BASP1: variants seen among roughly 807,000 people sequenced by gnomAD.
BASP1 encodes brain acid soluble protein 1.
In BASP1, 1 loss-of-function variant was observed where a neutral mutation model predicts 2.2. The ratio of observed to expected loss-of-function variants is 0.46; its 90% CI spans 0.16 to 2.17. The LOEUF (loss-of-function observed/expected upper bound fraction) is 2.17. Among genes scored for constraint, BASP1 ranks in the 30% most tolerant of loss-of-function variants. The pLI, the probability that BASP1 is intolerant of heterozygous loss-of-function variation, is 0.27. For missense variants in BASP1, 352 were observed against 327.2 expected (o/e 1.08, Z -0.58); for synonymous variants, 187 against 154.2 (o/e 1.21, Z -1.58).
chr5:17,218,411 C>T (rs1286569936), intron 1 of BASP1, among the ~76,000 whole-genome samples: 19 of 152,108 alleles, frequency 1.2e-4, no homozygotes, highest in Non-Finnish European at 2.8e-4. Context: ...GGTTCTGGGG[C>T]CAAGGAATAC....
chr5:17,243,130 G>C (rs180810697), intron 1 of BASP1, among the ~76,000 whole-genome samples: 149 of 151,804 alleles, frequency 9.8e-4, no homozygotes, highest in Non-Finnish European at 1.5e-3. Context: ...TCATGATAAA[G>C]CCACTGAGAC....
intron 1 of BASP1, among the ~76,000 whole-genome samples, chr5:17,224,687 CTAGTATG>C (rs1739459452): frequency 6.6e-6 from 1 of 152,180 alleles, no homozygotes; most frequent in Non-Finnish European, 1.5e-5. Flanking sequence ...TCATTCCTTT[CTAGTATG>C]ATGATTGTGG....
intron 1 of BASP1, among the ~76,000 whole-genome samples, chr5:17,254,463 G>A (rs916080305): frequency 6.6e-6 from 1 of 152,184 alleles, no homozygotes; most frequent in Non-Finnish European, 1.5e-5. Flanking sequence ...GCCTGACTTA[G>A]ATGATGGTTC....
rs1327433175 is a variant in BASP1, at chr5:17,223,021, ACT to A, written c.-10+5214_-10+5215del. Among the ~76,000 whole-genome samples the A allele has an allele frequency of 4.4e-5, 6 of 136,160 alleles. No homozygotes were observed. The East Asian group carries it at 5.9e-4, about 13-fold the overall frequency. 89.3% of individuals were successfully genotyped at this position (136,160 alleles called of 152,430 possible). A position where few individuals can be genotyped will look rare whatever the true frequency, so the allele number is the denominator to read the frequency against. The stretch of plus-strand genomic sequence containing the variant: ...CCCTTATCACTTAAGCATTTTATAA[ACT>A]CTTTTTTTTTTTGGTTCGTTTTGAA... On this transcript the variant is annotated intron_variant, in intron 1 of 1. Coordinates refer to ENST00000322611, the MANE Select transcript of BASP1 (RefSeq NM_006317.5).
chr5:17,222,713 TA>T (rs1247283580), intron 1 of BASP1, among the ~76,000 whole-genome samples: 5 of 152,140 alleles, frequency 3.3e-5, no homozygotes, highest in Non-Finnish European at 1.5e-5. Context: ...TTAAATAACA[TA>T]AAAAATTATT....
intron 1 of BASP1, among the ~76,000 whole-genome samples, chr5:17,248,491 C>T (rs1268533683): frequency 6.6e-6 from 1 of 152,148 alleles, no homozygotes; most frequent in Non-Finnish European, 1.5e-5. Flanking sequence ...GCTGCAGAAC[C>T]ATCAGAAAAT....
intron 1 of BASP1, among the ~76,000 whole-genome samples, chr5:17,274,605 G>T (rs1319711284): frequency 6.6e-6 from 1 of 152,170 alleles, no homozygotes; most frequent in Non-Finnish European, 1.5e-5. Context: ...ACATGGGATT[G>T]CAGATGAAAA....
At chr5:17,220,963 A>C (rs542224131) in intron 1 of BASP1, among the ~76,000 whole-genome samples, 6 of 152,242 alleles carry the variant, frequency 3.9e-5, no homozygotes, top group Admixed American at 2.6e-4. Flanking sequence ...GTTTTGTAAA[A>C]ATTGCAAAAT....
chr5:17,275,595 G>A lies in BASP1; in HGVS notation c.379G>A (p.Ala127Thr), dbSNP rs1442362061. Residue 127 changes from alanine to threonine, a missense_variant, in exon 2 of 2, where the codon GCG (alanine) becomes ACG (threonine). Physicochemically the swap from Ala to Thr is moderately conservative, Grantham distance 58 (BLOSUM62 0). Coordinates refer to ENST00000322611, the MANE Select transcript of BASP1 (RefSeq NM_006317.5). This position sits in a 1 kb window ranked among gnomAD's most constrained non-coding sequence, Gnocchi z 5.3. ...GGCCCCCAAAGCTGCTGAGGCCGCC[G>A]CGGCCCCGGCCGAGAGCGCGGCCCC... Reference protein sequence around the residue: ...GEAPKAAEAAAAPAESAAPAA... With the variant: ...GEAPKAAEAATAPAESAAPAA... 2.1e-5 allele frequency: 30 copies of A among 1,412,020 alleles called. No homozygotes were observed. The highest frequency in any genetic ancestry group is 4.6e-5 in the African/African-American group (3 of 65,726). The allele number at this position is 1,412,020 out of a possible 1,614,324, so 87.5% of individuals were successfully genotyped here. A position where few individuals can be genotyped will look rare whatever the true frequency, so the allele number is the denominator to read the frequency against.
intron 1 of BASP1, among the ~76,000 whole-genome samples, chr5:17,237,194 A>G (rs1739765152): frequency 6.6e-6 from 1 of 152,126 alleles, no homozygotes; most frequent in African/African-American, 2.4e-5. Flanking sequence ...AATACAAAAA[A>G]TTAGCTGGGC....
intron 1 of BASP1, among the ~76,000 whole-genome samples, chr5:17,242,351 G>A (rs946919224): frequency 6.6e-6 from 1 of 152,108 alleles, no homozygotes; most frequent in African/African-American, 2.4e-5. Flanking sequence ...TCAGTTTCAT[G>A]TTCACACGAA....
rs549584313 is a variant in BASP1, at chr5:17,245,774, A to G, written c.-10+27964A>G. Reference sequence around the variant, plus strand: ...AAATGGAGAAAGGGATAAAAGAAAGATGGAAGAAGAAATTGAGATCACAGT... The same window carrying G: ...AAATGGAGAAAGGGATAAAAGAAAGGTGGAAGAAGAAATTGAGATCACAGT... On this transcript the variant is annotated intron_variant, in intron 1 of 1. Coordinates refer to ENST00000322611, the MANE Select transcript of BASP1 (RefSeq NM_006317.5). Among the ~76,000 whole-genome samples, 6 of 152,234 alleles carry G rather than the reference A, an allele frequency of 3.9e-5. No individual in the cohort carries two copies. In the South Asian group the frequency reaches 1.2e-3, roughly 32 times the overall value.
At chr5:17,267,596 G>T (rs1310755393) in intron 1 of BASP1, among the ~76,000 whole-genome samples, 1 of 150,976 alleles carries the variant, frequency 6.6e-6, no homozygotes, top group Admixed American at 6.6e-5. Context: ...TCATCCCGCT[G>T]CAACCTCCGC....
intron 1 of BASP1, among the ~76,000 whole-genome samples, chr5:17,224,730 T>G (rs931568031): frequency 1.3e-5 from 2 of 152,242 alleles, no homozygotes; most frequent in Non-Finnish European, 2.9e-5. Flanking sequence ...ACTATAAATG[T>G]GGATTTGGTT....
At chr5:17,233,771 T>C (rs1739682899) in intron 1 of BASP1, among the ~76,000 whole-genome samples, 2 of 152,066 alleles carry the variant, frequency 1.3e-5, no homozygotes, top group Admixed American at 6.6e-5. Flanking sequence ...TTCTTTGTTT[T>C]TTTTTTTTCA....
Position 17,275,773 on chromosome 5 carries a change from C to T in BASP1, c.557C>T (p.Thr186Ile). ...GAGGCTGCCCCCTCTTCCAAGGAGA[C>T]CCCCGCAGCCACGGAAGCGCCTAGT... Reference protein sequence around the residue: ...SSEAAPSSKETPAATEAPSST... With the variant: ...SSEAAPSSKEIPAATEAPSST... The change falls in exon 2 of 2, where the codon ACC becomes ATC. Residue 186 changes from threonine to isoleucine, a missense_variant. Thr to Ile is a moderately conservative substitution (Grantham distance 89, BLOSUM62 -1). Coordinates refer to ENST00000322611, the MANE Select transcript of BASP1 (RefSeq NM_006317.5). This position sits in a 1 kb window ranked among gnomAD's most constrained non-coding sequence, Gnocchi z 5.3. 1.2e-6 allele frequency: 2 copies of T among 1,613,058 alleles called. No individual in the cohort carries two copies. Among genetic ancestry groups the T allele is most frequent in the Non-Finnish European group, 1.7e-6 (2 of 1,179,748 alleles).
intron 1 of BASP1, among the ~76,000 whole-genome samples, chr5:17,256,355 C>T (rs1740210802): frequency 6.6e-6 from 1 of 152,172 alleles, no homozygotes; most frequent in Non-Finnish European, 1.5e-5. Context: ...TTTTAAGAGT[C>T]ATAGTTTTCC....
In BASP1 at chr5:17,276,076, G is replaced by A. The variant is rs536434902; in HGVS notation, c.*176G>A. 146 of 183,664 alleles carry A rather than the reference G, an allele frequency of 7.9e-4. No individual in the cohort carries two copies. The highest frequency in any genetic ancestry group is 3.8e-3 in the African/African-American group (136 of 35,730). The allele number at this position is 183,664 out of a possible 1,614,324, so 11.4% of individuals were successfully genotyped here. ...GAAGTAATGATATGTATTGCCCAAG[G>A]AAAAATACAGGATGTTGTCCCATCA... On this transcript the variant is annotated 3_prime_UTR_variant, in exon 2 of 2. Coordinates refer to ENST00000322611, the MANE Select transcript of BASP1 (RefSeq NM_006317.5).
Position 17,275,945 on chromosome 5 carries a change from C to A in BASP1, c.*45C>A. On this transcript the variant is annotated 3_prime_UTR_variant, in exon 2 of 2. Coordinates refer to ENST00000322611, the MANE Select transcript of BASP1 (RefSeq NM_006317.5). The surrounding 1 kb of genome is among the most constrained non-coding windows in gnomAD (Gnocchi z 5.3). ...AAACAATACCACTTAAAACAATCTC[C>A]TCTCTCTCTCTCTCTCTCTCTCTCT... 2.9e-5 allele frequency: 1 copy of A among 34,440 alleles called. No homozygotes were observed. The highest frequency in any genetic ancestry group is 5.5e-4 in the South Asian group (1 of 1,808). 2.1% of individuals were successfully genotyped at this position (34,440 alleles called of 1,614,324 possible). A position where few individuals can be genotyped will look rare whatever the true frequency, so the allele number is the denominator to read the frequency against.
Sources: gnomAD v4.1 joint callset for allele counts (sites outside exome capture counted in the v4.1 genomes callset) on GRCh38, gnomAD v4.1.1 for gene constraint, Gnocchi (gnomAD v3.1) non-coding constraint, MANE v1.5 for transcripts, NCBI Gene and HGNC (gene_info 2026-07-23, HGNC 2026-07-21) for gene names.